FAM110B: variants seen among roughly 807,000 people sequenced by gnomAD.
FAM110B encodes family with sequence similarity 110 member B, also known as protein FAM110B.
In FAM110B, 6 loss-of-function variants were observed where a neutral mutation model predicts 20.4. The observed-to-expected ratio is 0.29, with a 90% CI of 0.16 to 0.58. The LOEUF is 0.58. Among genes scored for constraint, FAM110B ranks in the 20% least tolerant of loss-of-function variants. FAM110B has a pLI of 0.90. For synonymous variants in FAM110B, 226 were observed against 214.1 expected, an observed-to-expected ratio of 1.06 and a Z score of -0.49; for missense variants, 434 against 498.2, an observed-to-expected ratio of 0.87 and a Z score of 1.23.
chr8:58,138,726 G>A (rs1428793023), intron 3 of FAM110B, among the ~76,000 whole-genome samples: 1 of 152,184 alleles, frequency 6.6e-6, no homozygotes, highest in Non-Finnish European at 1.5e-5. Context: ...CTCCTGACTT[G>A]CCACTTGGAG....
intron 2 of FAM110B, among the ~76,000 whole-genome samples, chr8:58,040,077 C>G (rs1191456819): frequency 6.6e-6 from 1 of 152,102 alleles, no homozygotes; most frequent in Non-Finnish European, 1.5e-5. Flanking sequence ...GCCTTGAACT[C>G]CTGACCTCAG....
intron 3 of FAM110B, among the ~76,000 whole-genome samples, chr8:58,127,643 A>G (rs1807542577): frequency 6.6e-6 from 1 of 152,248 alleles, no homozygotes; most frequent in African/African-American, 2.4e-5. Context: ...ACAAAAGTCA[A>G]TTGTATTTCT....
At chr8:58,030,275 AT>A (rs1240686506) in intron 1 of FAM110B, among the ~76,000 whole-genome samples, 1 of 152,146 alleles carries the variant, frequency 6.6e-6, no homozygotes, top group African/African-American at 2.4e-5. Context: ...TGGAGTTTAT[AT>A]TTCTATTTTA....
At chr8:58,074,710 G>T (rs1359552962) in intron 2 of FAM110B, among the ~76,000 whole-genome samples, 2 of 152,180 alleles carry the variant, frequency 1.3e-5, no homozygotes, top group African/African-American at 2.4e-5. Context: ...GGGTGCTACA[G>T]TGCAGATGAA....
intron 2 of FAM110B, among the ~76,000 whole-genome samples, chr8:58,039,307 T>C (rs1214470945): frequency 6.6e-6 from 1 of 152,210 alleles, no homozygotes; most frequent in African/African-American, 2.4e-5. Context: ...ACTCATTTCC[T>C]GCAGAGTGCC....
intron 3 of FAM110B, among the ~76,000 whole-genome samples, chr8:58,102,161 C>A (rs1252359044): frequency 1.3e-5 from 2 of 152,230 alleles, no homozygotes; most frequent in East Asian, 3.9e-4. Context: ...GTTAAGAGAC[C>A]CAGACTGCAA....
At chr8:57,997,923 C>T (rs940315496) in intron 1 of FAM110B, among the ~76,000 whole-genome samples, 1 of 152,190 alleles carries the variant, frequency 6.6e-6, no homozygotes, top group African/African-American at 2.4e-5. Flanking sequence ...AGTGACTTAT[C>T]TGAGTCACAT....
intron 3 of FAM110B, chr8:58,099,252 A>G (rs1183364354): frequency 6.6e-6 from 1 of 152,174 alleles, no homozygotes; most frequent in African/African-American, 2.4e-5. Context: ...CCAATCTGAA[A>G]ATCCAAAATC....
intron 1 of FAM110B, among the ~76,000 whole-genome samples, chr8:58,021,878 G>A (rs573811521): frequency 6.6e-6 from 1 of 152,268 alleles, no homozygotes; most frequent in African/African-American, 2.4e-5. Flanking sequence ...AGAGCATATA[G>A]CAGACATTAA....
rs10628602 is a variant in FAM110B at position 58,063,469 on chromosome 8, C to CCGTT, written c.-413-12066_-413-12065insCGTT. Among the ~76,000 whole-genome samples the CCGTT allele has an allele frequency of 4.2e-3, 641 of 151,864 alleles. 8 individuals carry two copies. Among genetic ancestry groups the CCGTT allele is most frequent in the African/African-American group, 0.015 (613 of 41,284 alleles). On this transcript the variant is annotated intron_variant, in intron 2 of 3. Coordinates refer to ENST00000519262, the MANE Select transcript of FAM110B (RefSeq NM_001377989.1). Reference sequence around the variant, plus strand: ...TTAACAAAACTGAGTCCTCATACATCATTTGAAATGCTTGAAACAAGAAGT... The same window carrying CCGTT: ...TTAACAAAACTGAGTCCTCATACATCCGTTATTTGAAATGCTTGAAACAAGAAGT...
chr8:58,006,468 C>T (rs754345850), intron 1 of FAM110B, among the ~76,000 whole-genome samples: 1 of 152,174 alleles, frequency 6.6e-6, no homozygotes, highest in South Asian at 2.1e-4. Context: ...AGTAGGCTGA[C>T]TGTGGGTCTT....
chr8:58,120,396 C>T (rs1323911862), intron 3 of FAM110B, among the ~76,000 whole-genome samples: 2 of 152,110 alleles, frequency 1.3e-5, no homozygotes, highest in Non-Finnish European at 2.9e-5. Context: ...CTGATCCAGC[C>T]CCTCTCATCT....
At chr8:58,089,563 T>C (rs2150602485) in intron 3 of FAM110B, among the ~76,000 whole-genome samples, 1 of 152,328 alleles carries the variant, frequency 6.6e-6, no homozygotes, top group South Asian at 2.1e-4. Flanking sequence ...GTGTGATAAA[T>C]GGATTAAGAT....
intron 3 of FAM110B, among the ~76,000 whole-genome samples, chr8:58,128,061 G>A (rs936978404): frequency 1.3e-5 from 2 of 152,130 alleles, no homozygotes; most frequent in African/African-American, 2.4e-5. Context: ...AAAAATAACC[G>A]TTTTACTATA....
chr8:58,080,970 A>C (rs1323129717), intron 3 of FAM110B, among the ~76,000 whole-genome samples: 1 of 151,956 alleles, frequency 6.6e-6, no homozygotes, highest in Non-Finnish European at 1.5e-5. Context: ...GACAGCTTTC[A>C]CTCACCATGA....
At chr8:58,104,637 T>C (rs948146631) in intron 3 of FAM110B, among the ~76,000 whole-genome samples, 4 of 152,224 alleles carry the variant, frequency 2.6e-5, no homozygotes, top group Admixed American at 6.5e-5. Flanking sequence ...TCTTAACCTA[T>C]ATGTGATAGA....
At chr8:58,127,710 C>T (rs920362233) in intron 3 of FAM110B, among the ~76,000 whole-genome samples, 10 of 151,936 alleles carry the variant, frequency 6.6e-5, no homozygotes, top group African/African-American at 2.4e-4. Context: ...TTTACATTGG[C>T]TCAAAAAAAA....
intron 3 of FAM110B, among the ~76,000 whole-genome samples, chr8:58,108,785 ATGT>A (rs1336586328): frequency 8.5e-5 from 13 of 152,100 alleles, no homozygotes; most frequent in Admixed American, 5.9e-4. Context: ...CCACTTTTCC[ATGT>A]TGTGAACCAT....
chr8:58,061,724 G>C (rs889596657), intron 2 of FAM110B, among the ~76,000 whole-genome samples: 1 of 152,206 alleles, frequency 6.6e-6, no homozygotes, highest in East Asian at 1.9e-4. Context: ...ATATAGCAGT[G>C]AAACTTATCT....
Sources: gnomAD v4.1 joint callset for allele counts (sites outside exome capture counted in the v4.1 genomes callset) on GRCh38, gnomAD v4.1.1 for gene constraint, MANE v1.5 for transcripts, NCBI Gene and HGNC (gene_info 2026-07-23, HGNC 2026-07-21) for gene names.